The following SRPK1 variants were observed in gnomAD, a reference collection of about 807,000 sequenced individuals.
SRPK1 encodes SRSF protein kinase 1, also known as SFRS protein kinase 1.
SRPK1 carries 52 observed loss-of-function variants against 89.5 expected under a neutral mutation model. The ratio of observed to expected loss-of-function variants is 0.58; its 90% CI spans 0.46 to 0.73. The LOEUF is 0.73. SRPK1 is among the 30% of genes least tolerant of loss of function. The pLI, the probability that SRPK1 is intolerant of heterozygous loss-of-function variation, is 0.00. For missense variants in SRPK1, 603 were observed against 780.6 expected (o/e 0.77, Z 2.71); for synonymous variants, 255 against 270.2 (o/e 0.94, Z 0.55).
At chr6:35,857,457 T>C (rs1229596402) in intron 12 of SRPK1, 89 bp from the exon 13 acceptor site, 16 of 1,115,814 alleles carry the variant, frequency 1.4e-5, no homozygotes, top group South Asian at 2.9e-5. Context: ...AAATAAACTC[T>C]CTGAAGTTTT....
chr6:35,876,085 T>TAAAAAAAA (rs34493292), intron 6 of SRPK1, among the ~76,000 whole-genome samples: 10 of 77,628 alleles, frequency 1.3e-4, no homozygotes, highest in East Asian at 4.3e-4. Flanking sequence ...ATTCTTAAAT[T>TAAAAAAAA]AAAAAAAAAA....
intron 6 of SRPK1, among the ~76,000 whole-genome samples, chr6:35,885,437 G>T (rs1770388577): frequency 6.6e-6 from 1 of 152,056 alleles, no homozygotes; most frequent in South Asian, 2.1e-4. Context: ...TCTAAGAAAT[G>T]ACTCAGAATT....
intron 12 of SRPK1, among the ~76,000 whole-genome samples, chr6:35,865,350 A>T (rs1326753): frequency 0.34 from 51,717 of 151,872 alleles, 9,077 homozygotes; most frequent in South Asian, 0.45. Context: ...ATTAAAAAAA[A>T]TTTTAAAACA....
intron 2 of SRPK1, chr6:35,920,208 G>C: frequency 1.7e-6 from 1 of 584,064 alleles, no homozygotes; most frequent in Non-Finnish European, 3.2e-6. Flanking sequence ...AGTTGGGGAG[G>C]AAAGGTACCG....
At chr6:35,901,303 G>C (rs552855411) in intron 2 of SRPK1, among the ~76,000 whole-genome samples, 1 of 152,162 alleles carries the variant, frequency 6.6e-6, no homozygotes, top group African/African-American at 2.4e-5. Flanking sequence ...GGATAAGCCC[G>C]AATCCAACAT....
chr6:35,907,522 A>C (rs575491721), intron 2 of SRPK1, among the ~76,000 whole-genome samples: 1 of 152,222 alleles, frequency 6.6e-6, no homozygotes, highest in South Asian at 2.1e-4. Flanking sequence ...CCTGACCAAC[A>C]TAGTGAAACT....
At chr6:35,898,989 C>T (rs993867992) in intron 2 of SRPK1, among the ~76,000 whole-genome samples, 2 of 152,188 alleles carry the variant, frequency 1.3e-5, no homozygotes, top group Non-Finnish European at 2.9e-5. Context: ...GGTGAAACCC[C>T]GCCTCTACTA....
intron 11 of SRPK1, 26 bp from the exon 12 acceptor site, chr6:35,869,136 A>T: frequency 6.4e-7 from 1 of 1,559,298 alleles, no homozygotes. Context: ...ATCATCAATA[A>T]GACTGTTCAA....
At chr6:35,867,635 G>A (rs935904039) in intron 12 of SRPK1, among the ~76,000 whole-genome samples, 1 of 152,136 alleles carries the variant, frequency 6.6e-6, no homozygotes, top group African/African-American at 2.4e-5. Flanking sequence ...GGCCAACATG[G>A]TGAAACCCCT....
chr6:35,833,768 T>C lies in SRPK1; in HGVS notation c.*1536A>G, dbSNP rs147319143. 3.5e-3 allele frequency: 531 copies of C among 152,678 alleles called. 6 individuals are homozygous for C. Among genetic ancestry groups the C allele is most frequent in the Non-Finnish European group, 4.3e-3 (290 of 68,040 alleles). The allele number at this position is 152,678 out of a possible 1,614,324, so 9.5% of individuals were successfully genotyped here. On this transcript the variant is annotated 3_prime_UTR_variant, in exon 16 of 16. Coordinates refer to ENST00000373825, the MANE Select transcript of SRPK1 (RefSeq NM_003137.5). The stretch of plus-strand genomic sequence containing the variant: ...TGACAAAGTAGATTCCAATCTCCTG[T>C]ATAGAAAGGTGGTTACCCAATAGCC...
intron 14 of SRPK1, among the ~76,000 whole-genome samples, chr6:35,840,217 T>C (rs1421786088): frequency 6.6e-6 from 1 of 152,232 alleles, no homozygotes; most frequent in Non-Finnish European, 1.5e-5. Context: ...AATAACATGC[T>C]AGAGACGTCC....
At chr6:35,857,103 G>T (rs1037195924) in intron 13 of SRPK1, 158 bp downstream of exon 13, 2 of 550,956 alleles carry the variant, frequency 3.6e-6, no homozygotes, top group Admixed American at 6.9e-5. Context: ...ACAGGTTTTT[G>T]AATTCGGACC....
intron 2 of SRPK1, among the ~76,000 whole-genome samples, chr6:35,900,063 G>GT (rs1770710492): frequency 6.6e-6 from 1 of 151,884 alleles, no homozygotes; most frequent in Non-Finnish European, 1.5e-5. Context: ...GGTAAGGTTT[G>GT]TAAAATGTAG....
intron 2 of SRPK1, among the ~76,000 whole-genome samples, chr6:35,895,927 G>A (rs889012106): frequency 1.2e-4 from 19 of 152,210 alleles, no homozygotes; most frequent in Non-Finnish European, 7.3e-5. Flanking sequence ...GATTCCTGGA[G>A]GGTGGTACAC....
intron 13 of SRPK1, among the ~76,000 whole-genome samples, chr6:35,856,564 A>C (rs747086163): frequency 2.0e-5 from 3 of 152,152 alleles, no homozygotes; most frequent in Non-Finnish European, 4.4e-5. Flanking sequence ...AATCACCCAA[A>C]ATGTGTCAGG....
Position 35,844,255 on chromosome 6 carries a change from G to A in SRPK1, c.1621-1651C>T, listed in dbSNP as rs555563306. Among the ~76,000 whole-genome samples the A allele has an allele frequency of 1.7e-3, 250 of 151,174 alleles. 1 individual carries two copies. Among genetic ancestry groups the A allele is most frequent in the African/African-American group, 5.9e-3 (242 of 41,180 alleles). On this transcript the variant is annotated intron_variant, in intron 13 of 15. Transcript: ENST00000373825. The stretch of plus-strand genomic sequence containing the variant: ...CCTGACCTCGTGATCCGCCTGCCTC[G>A]GCCTCCCAAAGTGCTGGGATCACAG...
chr6:35,848,278 T>A (rs1486669897), intron 13 of SRPK1, among the ~76,000 whole-genome samples: 2 of 152,032 alleles, frequency 1.3e-5, no homozygotes, highest in Non-Finnish European at 2.9e-5. Context: ...AAAGCTGGGC[T>A]GGGCATGGTG....
intron 12 of SRPK1, among the ~76,000 whole-genome samples, chr6:35,864,577 C>T (rs150641089): frequency 7.9e-5 from 12 of 152,260 alleles, no homozygotes; most frequent in South Asian, 2.1e-4. Context: ...GAAAAGGGAA[C>T]CCTCCTGCAC....
intron 12 of SRPK1, among the ~76,000 whole-genome samples, chr6:35,864,573 G>A (rs141713513): frequency 1.8e-3 from 278 of 152,254 alleles, no homozygotes; most frequent in African/African-American, 5.9e-3. Flanking sequence ...TGGAGAAAAG[G>A]GAACCCTCCT....
Sources: allele counts gnomAD v4.1 joint callset (sites outside exome capture counted in the v4.1 genomes callset), GRCh38; gene constraint gnomAD v4.1.1; transcripts MANE v1.5; gene names NCBI Gene and HGNC (gene_info 2026-07-23, HGNC 2026-07-21).